The following DDX60L variants were observed in gnomAD, a reference collection of about 807,000 sequenced individuals.
DDX60L encodes the protein probable ATP-dependent RNA helicase DDX60-like.
A neutral mutation model predicts 211.6 loss-of-function variants in DDX60L; 191 were observed. The observed-to-expected ratio is 0.90, with a 90% CI of 0.80 to 1.02. The LOEUF (loss-of-function observed/expected upper bound fraction) is 1.02, where lower values mean the gene tolerates loss of function less well. Ranked by LOEUF, DDX60L falls within the 50% of genes least tolerant of loss-of-function variation. DDX60L has a pLI of 0.00. For synonymous variants in DDX60L, 706 were observed against 694.1 expected (o/e 1.02, Z -0.27); for missense variants, 2,007 against 1,984.1 (o/e 1.01, Z -0.22).
intron 36 of DDX60L, among the ~76,000 whole-genome samples, chr4:168,369,010 T>C (rs1356972927): frequency 6.6e-6 from 1 of 152,178 alleles, no homozygotes; most frequent in Non-Finnish European, 1.5e-5. Context: ...CATTGTACAG[T>C]AGACTTTTGA....
At chr4:168,371,813 C>T (rs932369960) in intron 35 of DDX60L, 50 bp from the exon 36 acceptor site, 6 of 1,462,794 alleles carry the variant, frequency 4.1e-6, no homozygotes, top group African/African-American at 2.8e-5. Flanking sequence ...TAAAGAGTAA[C>T]TGTTTGCAGT....
chr4:168,436,641 T>C (rs564192969), intron 10 of DDX60L, among the ~76,000 whole-genome samples: 109 of 152,316 alleles, frequency 7.2e-4, no homozygotes, highest in African/African-American at 2.6e-3. Context: ...GTTTGTGAAT[T>C]ATAGGCATAA....
At chr4:168,408,348 T>C (rs1431631792) in intron 22 of DDX60L, among the ~76,000 whole-genome samples, 2 of 152,206 alleles carry the variant, frequency 1.3e-5, no homozygotes, top group Admixed American at 6.5e-5. Context: ...CTGACTCTTT[T>C]TGAGTATCCC....
At chr4:168,464,145 A>T (rs1412011512) in intron 4 of DDX60L, among the ~76,000 whole-genome samples, 1 of 152,184 alleles carries the variant, frequency 6.6e-6, no homozygotes, top group East Asian at 1.9e-4. Flanking sequence ...AATAAAAATT[A>T]ATTTTAGCTA....
intron 29 of DDX60L, among the ~76,000 whole-genome samples, chr4:168,388,581 T>C (rs1355508205): frequency 1.3e-5 from 2 of 152,208 alleles, no homozygotes; most frequent in Non-Finnish European, 2.9e-5. Context: ...ATTGTCACCA[T>C]CGTACAGATT....
chr4:168,471,050 A>G (rs1483378499), intron 4 of DDX60L, among the ~76,000 whole-genome samples: 2 of 152,198 alleles, frequency 1.3e-5, no homozygotes, highest in Non-Finnish European at 2.9e-5. Context: ...AAAGATCGTT[A>G]AATGGCATTA....
chr4:168,358,171 T>C lies in DDX60L; in HGVS notation c.5097A>G (p.Gln1699=), dbSNP rs1738445687. The part of the protein sequence containing the change: ...FYEKLQEMQI[Q]MSQNHLE ...GTTATTCTAAATGATTTTGACTCAT[T>C]TGAATTTGCATTTCTTGAAGTTTCT... The change falls in exon 38 of 38, where the codon CAA becomes CAG. Residue 1699 remains glutamine, a synonymous_variant. Transcript: ENST00000682922. The C allele has an allele frequency of 1.2e-6, 2 of 1,609,442 alleles. No homozygotes were observed. The highest frequency in any genetic ancestry group is 1.7e-4 in the Middle Eastern group (1 of 6,046).
chr4:168,404,006 T>A lies in DDX60L; in HGVS notation c.3314A>T (p.Asp1105Val), dbSNP rs1384238183. 1 of 1,485,296 alleles carries A rather than the reference T, an allele frequency of 6.7e-7. No homozygotes were observed. The highest frequency in any genetic ancestry group is 1.4e-5 in the South Asian group (1 of 70,588). 92.0% of individuals were successfully genotyped at this position (1,485,296 alleles called of 1,614,324 possible). A position where few individuals can be genotyped will look rare whatever the true frequency, so the allele number is the denominator to read the frequency against. Residue 1105 changes from aspartate (D) to valine (V), a missense_variant, in exon 25 of 38, where the codon GAT (aspartate) becomes GTT (valine). Physicochemically the swap from Asp to Val is radical, Grantham distance 152. Transcript: ENST00000682922. ...PLLVEKLRQM[D>V]KLPAIFFLFK... ...CAAAAAAAATATTGCAGGCAACTTA[T>A]CCATTTGTCTTAACTTTTCAACAAG...
At chr4:168,366,530 T>C (rs1336980948) in intron 36 of DDX60L, among the ~76,000 whole-genome samples, 2 of 151,646 alleles carry the variant, frequency 1.3e-5, no homozygotes, top group South Asian at 2.1e-4. Flanking sequence ...ATGAAAAAAA[T>C]AGTATTGTTA....
chr4:168,450,243 G>A (rs1755619686), intron 8 of DDX60L, among the ~76,000 whole-genome samples: 1 of 152,074 alleles, frequency 6.6e-6, no homozygotes, highest in Non-Finnish European at 1.5e-5. Context: ...TGGATCAGCT[G>A]ACATCAGCCA....
In DDX60L at chr4:168,379,850, T is replaced by A. The variant is rs376058011; in HGVS notation, c.4117-20A>T. 10 of 1,537,882 alleles carry A rather than the reference T, an allele frequency of 6.5e-6. No homozygotes were observed. Among genetic ancestry groups the A allele is most frequent in the Non-Finnish European group, 8.9e-6 (10 of 1,118,228 alleles). ...CAACACCTATAAAAGAAGAGTACTT[T>A]AATTTATCTAGTTTTAAACAGTATT... On this transcript the variant is annotated intron_variant, in intron 30 of 37. Coordinates refer to ENST00000682922, the MANE Select transcript of DDX60L (RefSeq NM_001012967.3).
chr4:168,465,154 ATT>A (rs34617112), intron 4 of DDX60L, among the ~76,000 whole-genome samples: 2 of 150,138 alleles, frequency 1.3e-5, no homozygotes, highest in South Asian at 2.1e-4. Context: ...CCTTACTAGC[ATT>A]TTTTTTTTGT....
intron 26 of DDX60L, 150 bp from the exon 27 acceptor site, chr4:168,396,274 C>T (rs1257921280): frequency 1.0e-5 from 5 of 500,308 alleles, no homozygotes; most frequent in Non-Finnish European, 1.7e-5. Flanking sequence ...TCCTCACGTG[C>T]ACTTCCACCA....
At chr4:168,419,097 T>G (rs920526105) in intron 19 of DDX60L, among the ~76,000 whole-genome samples, 1 of 152,254 alleles carries the variant, frequency 6.6e-6, no homozygotes, top group Non-Finnish European at 1.5e-5. Context: ...TGGTTTCCCT[T>G]GTACAAACCT....
chr4:168,384,802 C>G lies in DDX60L; in HGVS notation c.3926G>C (p.Arg1309Pro). Residue 1309 changes from arginine (R) to proline (P), a missense_variant, in exon 30 of 38, where the codon CGT becomes CCT. Physicochemically the swap from Arg to Pro is moderately radical, Grantham distance 103 (BLOSUM62 -2). Transcript: ENST00000682922. ...DALNYRQMSG[R>P]AGRRGQDLLG... is the part of the protein sequence containing the mutation. ...CAGGTCTTGACCTCTTCTTCCAGCA[C>G]GACCAGACATCTGGAAGCAGCAAAG... is the stretch of plus-strand genomic sequence containing the variant. The G allele has an allele frequency of 6.2e-7, 1 of 1,612,624 alleles. No individual in the cohort carries two copies. The highest frequency in any genetic ancestry group is 8.5e-7 in the Non-Finnish European group (1 of 1,179,218).
chr4:168,439,541 G>A (rs576992032), intron 10 of DDX60L, among the ~76,000 whole-genome samples: 17 of 152,204 alleles, frequency 1.1e-4, no homozygotes, highest in African/African-American at 3.9e-4. Flanking sequence ...CTTAACATGT[G>A]TATCCTACTA....
intron 22 of DDX60L, 70 bp downstream of exon 22, chr4:168,415,338 T>C (rs1444569719): frequency 5.0e-6 from 4 of 794,240 alleles, no homozygotes; most frequent in African/African-American, 1.8e-5. Flanking sequence ...TCTATGAAGA[T>C]TGAGTCCCTT....
intron 36 of DDX60L, among the ~76,000 whole-genome samples, chr4:168,368,698 T>C (rs148984414): frequency 1.7e-3 from 262 of 152,304 alleles, no homozygotes; most frequent in African/African-American, 5.8e-3. Context: ...AGGGAGGCTG[T>C]ACCCTGCAAA....
At chr4:168,415,610 A>ATATTT in intron 21 of DDX60L, 47 bp downstream of exon 21, 2 of 1,439,598 alleles carry the variant, frequency 1.4e-6, no homozygotes, top group Non-Finnish European at 1.9e-6. Context: ...AAAGCTTTGT[A>ATATTT]GTAAAATATA....
Sources: allele counts gnomAD v4.1 joint callset (sites outside exome capture counted in the v4.1 genomes callset), GRCh38; gene constraint gnomAD v4.1.1; transcripts MANE v1.5; gene names NCBI Gene and HGNC (gene_info 2026-07-23, HGNC 2026-07-21).